Variants in CALN1 observed in about 807,000 individuals in gnomAD.
CALN1 encodes calneuron 1.
Under a neutral mutation model 30.6 loss-of-function variants are expected in CALN1, and 17 were observed. The ratio of observed to expected loss-of-function variants is 0.56; its 90% CI spans 0.38 to 0.83. CALN1 has a LOEUF of 0.83. Ranked by LOEUF, CALN1 falls within the 40% of genes least tolerant of loss-of-function variation. The pLI is 0.00. For synonymous variants in CALN1, 156 were observed against 131.4 expected (o/e 1.19, Z -1.28); for missense variants, 291 against 354.9 (o/e 0.82, Z 1.45).
intron 5 of CALN1, among the ~76,000 whole-genome samples, chr7:71,817,450 A>G (rs545070908): frequency 1.3e-5 from 2 of 152,320 alleles, no homozygotes; most frequent in East Asian, 3.9e-4. Context: ...AACCTAAGGA[A>G]TTTTCCACTA....
chr7:72,483,280 C>CTTTTTTTTTTTT, the CALN1 span, among the ~76,000 whole-genome samples: 809 of 99,700 alleles, frequency 8.1e-3, no homozygotes, highest in Non-Finnish European at 0.011. Flanking sequence ...TTTTCTTTTT[C>CTTTTTTTTTTTT]TTTTTTTTTT....
intron 5 of CALN1, among the ~76,000 whole-genome samples, chr7:71,817,063 T>G (rs1017923796): frequency 1.3e-5 from 2 of 152,206 alleles, no homozygotes; most frequent in Non-Finnish European, 2.9e-5. Context: ...ATAAGTTGCG[T>G]AGCATTCCAT....
At chr7:71,838,567 C>T (rs952725074) in intron 5 of CALN1, among the ~76,000 whole-genome samples, 10 of 152,178 alleles carry the variant, frequency 6.6e-5, no homozygotes, top group Non-Finnish European at 8.8e-5. Context: ...GCTGGGGCTA[C>T]AGGCATGTAC....
chr7:72,224,218 CT>C (rs1167387345), intron 3 of CALN1, among the ~76,000 whole-genome samples: 1 of 152,046 alleles, frequency 6.6e-6, no homozygotes, highest in Non-Finnish European at 1.5e-5. Context: ...AAAATAAAAT[CT>C]TCTAGGAGAA....
chr7:71,949,437 G>T (rs1796576689), intron 5 of CALN1, among the ~76,000 whole-genome samples: 1 of 152,182 alleles, frequency 6.6e-6, no homozygotes, highest in African/African-American at 2.4e-5. Context: ...AGACTGGAGT[G>T]CAGTGGTGTG....
intron 3 of CALN1, among the ~76,000 whole-genome samples, chr7:72,187,113 G>C (rs1383048624): frequency 6.6e-6 from 1 of 151,944 alleles, no homozygotes; most frequent in African/African-American, 2.4e-5. Flanking sequence ...TGCAAGAAAG[G>C]TATTATCATT....
the CALN1 span, among the ~76,000 whole-genome samples, chr7:72,491,235 A>AAAAAAC: frequency 6.7e-6 from 1 of 150,216 alleles, no homozygotes; most frequent in Non-Finnish European, 1.5e-5. Flanking sequence ...TCAAAAAAAA[A>AAAAAAC]AAAAACAAAA....
At chr7:72,008,072 G>A (rs1439621295) in intron 5 of CALN1, among the ~76,000 whole-genome samples, 2 of 152,182 alleles carry the variant, frequency 1.3e-5, no homozygotes, top group South Asian at 4.1e-4. Context: ...TTAGTGGAAA[G>A]GGGTCATGGA....
chr7:72,496,556 C>T, the CALN1 span, among the ~76,000 whole-genome samples: 1 of 152,288 alleles, frequency 6.6e-6, no homozygotes, highest in African/African-American at 2.4e-5. Context: ...AAGCACTCTT[C>T]AATTTGTTTG....
intron 5 of CALN1, among the ~76,000 whole-genome samples, chr7:71,907,000 G>C (rs1794172936): frequency 6.6e-6 from 1 of 152,128 alleles, no homozygotes; most frequent in Admixed American, 6.5e-5. Context: ...CAGAGGCAGG[G>C]GGCAGGGCCT....
chr7:71,871,046 AAAAAAAG>A (rs1262691562), intron 5 of CALN1, among the ~76,000 whole-genome samples: 3 of 152,162 alleles, frequency 2.0e-5, no homozygotes, highest in Admixed American at 6.5e-5. Flanking sequence ...TGATTAAGCA[AAAAAAAG>A]AAAAAAGAAA....
intron 2 of CALN1, among the ~76,000 whole-genome samples, chr7:72,381,755 G>C (rs879282802): frequency 6.6e-6 from 1 of 152,056 alleles, no homozygotes; most frequent in South Asian, 2.1e-4. Flanking sequence ...ATGCATGCAG[G>C]GCTTAAAACC....
At chr7:72,322,429 G>A (rs1800951733) in intron 2 of CALN1, among the ~76,000 whole-genome samples, 1 of 152,192 alleles carries the variant, frequency 6.6e-6, no homozygotes, top group Admixed American at 6.5e-5. Flanking sequence ...CCATGGACCA[G>A]TCAGTACCCA....
intron 5 of CALN1, among the ~76,000 whole-genome samples, chr7:71,875,489 T>C (rs1028067481): frequency 1.3e-5 from 2 of 152,176 alleles, no homozygotes; most frequent in African/African-American, 4.8e-5. Context: ...TTAACTCTGA[T>C]ATAATGAAGC....
At chr7:72,111,468 T>A (rs990560923) in intron 3 of CALN1, among the ~76,000 whole-genome samples, 6 of 152,168 alleles carry the variant, frequency 3.9e-5, no homozygotes, top group African/African-American at 1.4e-4. Context: ...GTAACTTATT[T>A]TTTTTTTCTG....
intron 5 of CALN1, among the ~76,000 whole-genome samples, chr7:71,931,173 TTTTTA>T (rs1428557439): frequency 1.3e-5 from 2 of 152,246 alleles, no homozygotes; most frequent in Non-Finnish European, 2.9e-5. Flanking sequence ...CTGAATTCTT[TTTTTA>T]GAGGGGATAA....
chr7:72,294,697 A>G (rs1798728535), intron 2 of CALN1, among the ~76,000 whole-genome samples: 1 of 151,894 alleles, frequency 6.6e-6, no homozygotes, highest in African/African-American at 2.4e-5. Flanking sequence ...TGCAGTGAGC[A>G]TAATGTTGCC....
intron 2 of CALN1, among the ~76,000 whole-genome samples, chr7:72,373,281 T>G (rs995666578): frequency 1.3e-5 from 2 of 152,184 alleles, no homozygotes; most frequent in Non-Finnish European, 2.9e-5. Flanking sequence ...TCCAATACTA[T>G]TTGTGTAATT....
At chr7:72,106,062 T>G (rs950651692) in intron 4 of CALN1, 89 bp downstream of exon 4, 2 of 1,481,516 alleles carry the variant, frequency 1.3e-6, no homozygotes, top group Non-Finnish European at 1.8e-6. Context: ...GTCTCTGGAT[T>G]TAAAAGTGCA....
Sources: gnomAD v4.1 joint callset for allele counts (sites outside exome capture counted in the v4.1 genomes callset) on GRCh38, gnomAD v4.1.1 for gene constraint, MANE v1.5 for transcripts, NCBI Gene and HGNC (gene_info 2026-07-23, HGNC 2026-07-21) for gene names.